KDM6A: variants seen among roughly 807,000 people sequenced by gnomAD.
KDM6A encodes the protein lysine-specific demethylase 6A.
In KDM6A, 11 loss-of-function variants were observed where a neutral mutation model predicts 117.6. That is an observed-to-expected ratio of 0.09 (90% CI 0.06 to 0.15). The LOEUF (loss-of-function observed/expected upper bound fraction) is 0.15. KDM6A is among the 10% of genes least tolerant of loss of function. The probability of loss-of-function intolerance (pLI) is 1.00; values close to 1 mark genes in which losing one functional copy is unlikely to be tolerated. For synonymous variants in KDM6A, 384 were observed against 396.1 expected (o/e 0.97, Z 0.36); for missense variants, 799 against 1,077.3 (o/e 0.74, Z 3.62).
chrX:44,954,571 A>T (rs940822594), intron 2 of KDM6A, among the ~76,000 whole-genome samples: 1 of 111,425 alleles, frequency 9.0e-6, no homozygotes, highest in African/African-American at 3.3e-5. Flanking sequence ...CCTCTTTAGG[A>T]TGTCTGAATA....
intron 6 of KDM6A, among the ~76,000 whole-genome samples, chrX:45,024,300 T>C (rs1028124632): frequency 8.9e-6 from 1 of 111,789 alleles, no homozygotes; most frequent in African/African-American, 3.3e-5. Context: ...CCAACATCTG[T>C]TATTTTTTGA....
At position 44,899,035 on chromosome X, in the gene KDM6A, G is replaced by GTGTT. The variant is rs1242049758; in HGVS notation, c.225+25058_225+25061dup. 5.9e-5 allele frequency among the ~76,000 whole-genome samples: 6 copies of GTGTT among 100,979 alleles called. No individual in the cohort carries two copies. In the South Asian group the frequency reaches 1.4e-3, roughly 23 times the overall value. 87.7% of individuals were successfully genotyped at this position (100,979 alleles called of 115,157 possible). On this transcript the variant is annotated intron_variant, in intron 2 of 29. Transcript: ENST00000611820. ...TGTGTGTGTGTGTGTGTGTGTGTGT[G>GTGTT]TGTTTGTTTGTTTTCCATTGGTATT...
chrX:45,001,473 C>T (rs1207593328), intron 4 of KDM6A, among the ~76,000 whole-genome samples: 1 of 111,068 alleles, frequency 9.0e-6, no homozygotes, highest in Non-Finnish European at 1.9e-5. Context: ...GGGTCTTTAT[C>T]GAAATCTTTC....
At chrX:44,936,735 A>G (rs1190589213) in intron 2 of KDM6A, among the ~76,000 whole-genome samples, 1 of 112,211 alleles carries the variant, frequency 8.9e-6, no homozygotes, top group Non-Finnish European at 1.9e-5. Flanking sequence ...CACTTTATAT[A>G]CATAGCCTAC....
chrX:45,066,189 G>T, intron 17 of KDM6A, among the ~76,000 whole-genome samples: 1 of 112,194 alleles, frequency 8.9e-6, no homozygotes, highest in Non-Finnish European at 1.9e-5. Context: ...TCAGTGGATT[G>T]TTGGGGTGCA....
rs1369575679 is a variant in KDM6A at position 45,024,095 on chromosome X, CAT to C, written c.564+3366_564+3367del. Among the ~76,000 whole-genome samples, 10 of 112,319 alleles carry C rather than the reference CAT, an allele frequency of 8.9e-5. No homozygotes were observed. The East Asian group carries it at 1.1e-3, about 13-fold the overall frequency. On this transcript the variant is annotated intron_variant, in intron 6 of 29. Transcript: ENST00000611820. ...CAATTGCAAATTGTGCTGCTATAAA[CAT>C]GTGTGTGCAAGTGTCTTCTTTATAT...
chrX:44,984,088 T>C (rs761599817), intron 4 of KDM6A, among the ~76,000 whole-genome samples: 1 of 110,693 alleles, frequency 9.0e-6, no homozygotes, highest in South Asian at 3.8e-4. Flanking sequence ...TCCTGACTTT[T>C]TAATGATTGC....
intron 3 of KDM6A, among the ~76,000 whole-genome samples, chrX:44,963,309 T>A (rs899345759): frequency 2.8e-5 from 3 of 108,571 alleles, no homozygotes; most frequent in East Asian, 5.8e-4. Flanking sequence ...AAAAAAAAAA[T>A]TTAGCTGAGT....
intron 6 of KDM6A, among the ~76,000 whole-genome samples, chrX:45,024,265 G>A (rs1195698337): frequency 2.7e-5 from 3 of 111,766 alleles, no homozygotes; most frequent in Non-Finnish European, 5.6e-5. Flanking sequence ...CAGTGTAAAA[G>A]TGTTCCCTTT....
At chrX:44,950,061 G>T (rs909528311) in intron 2 of KDM6A, among the ~76,000 whole-genome samples, 1 of 108,650 alleles carries the variant, frequency 9.2e-6, no homozygotes, top group Admixed American at 9.9e-5. Context: ...CTGTCACCTA[G>T]GCTGGAATGC....
chrX:45,086,059 C>A, intron 25 of KDM6A, 80 bp downstream of exon 25: 1 of 564,642 alleles, frequency 1.8e-6, no homozygotes, highest in South Asian at 2.4e-5. Flanking sequence ...AGCTGGATCT[C>A]CTAATGGATA....
In KDM6A at chrX:45,109,267, G is replaced by A. The variant is rs1037370848; in HGVS notation, c.4162-812G>A. Among the ~76,000 whole-genome samples, 263 of 110,687 alleles carry A rather than the reference G, an allele frequency of 2.4e-3. 1 individual carries two copies. Among genetic ancestry groups the A allele is most frequent in the African/African-American group, 8.6e-3 (261 of 30,499 alleles). On this transcript the variant is annotated intron_variant, in intron 28 of 29. Coordinates refer to ENST00000611820, the MANE Select transcript of KDM6A (RefSeq NM_001291415.2). Reference sequence around the variant, plus strand: ...GGAAAGAATTCAAAAATATTTAGAGGGTAAAATCAGCGAGACACCTCATTA... The same window carrying A: ...GGAAAGAATTCAAAAATATTTAGAGAGTAAAATCAGCGAGACACCTCATTA...
intron 17 of KDM6A, among the ~76,000 whole-genome samples, chrX:45,069,144 A>G (rs951250933): frequency 2.7e-5 from 3 of 112,358 alleles, no homozygotes; most frequent in Non-Finnish European, 3.8e-5. Context: ...TTATATTTTA[A>G]TGATAATTTT....
chrX:44,946,980 T>A (rs751249389), intron 2 of KDM6A, among the ~76,000 whole-genome samples: 3 of 112,393 alleles, frequency 2.7e-5, no homozygotes, highest in South Asian at 7.2e-4. Context: ...CTGTCTTTTT[T>A]AAGTCTTTCT....
intron 4 of KDM6A, among the ~76,000 whole-genome samples, chrX:44,975,908 A>G (rs892253197): frequency 2.7e-5 from 3 of 112,162 alleles, no homozygotes; most frequent in African/African-American, 6.5e-5. Flanking sequence ...TGGAGCCACC[A>G]ATAATTTGAG....
chrX:44,885,061 G>C (rs2032725483), intron 2 of KDM6A, among the ~76,000 whole-genome samples: 1 of 102,365 alleles, frequency 9.8e-6, no homozygotes, highest in Admixed American at 1.1e-4. Flanking sequence ...TTGAGACAAA[G>C]TCTCACTTTG....
intron 2 of KDM6A, among the ~76,000 whole-genome samples, chrX:44,932,591 T>C (rs2036698618): frequency 8.9e-6 from 1 of 111,827 alleles, no homozygotes; most frequent in Non-Finnish European, 1.9e-5. Context: ...TACCAAGGTC[T>C]CTTGATTTTT....
intron 2 of KDM6A, among the ~76,000 whole-genome samples, chrX:44,949,403 A>G (rs1186693314): frequency 8.9e-6 from 1 of 112,098 alleles, no homozygotes; most frequent in Non-Finnish European, 1.9e-5. Flanking sequence ...AAAGAAAAAA[A>G]CAAAAAGATT....
chrX:44,947,079 A>C (rs1200955685), intron 2 of KDM6A, among the ~76,000 whole-genome samples: 1 of 111,973 alleles, frequency 8.9e-6, no homozygotes. Context: ...TATTCCATTT[A>C]CATTTGTTGT....
Sources: gnomAD v4.1 joint callset for allele counts (sites outside exome capture counted in the v4.1 genomes callset) on GRCh38, gnomAD v4.1.1 for gene constraint, MANE v1.5 for transcripts, NCBI Gene and HGNC (gene_info 2026-07-23, HGNC 2026-07-21) for gene names.